SLA2: variants seen among roughly 807,000 people sequenced by gnomAD.
The protein encoded by SLA2 is src-like-adapter 2.
In SLA2, 22 loss-of-function variants were observed where a neutral mutation model predicts 27.3. That is an observed-to-expected ratio of 0.81 (90% CI 0.58 to 1.15). The LOEUF is 1.15. Among genes scored for constraint, SLA2 ranks in the 50% most tolerant of loss-of-function variants. The pLI is 0.00. For missense variants in SLA2, 304 were observed against 322.2 expected (o/e 0.94, Z 0.43); for synonymous variants, 131 against 137.8 (o/e 0.95, Z 0.34).
Position 36,646,026 on chromosome 20 carries a change from T to C in SLA2, c.-233A>G, listed in dbSNP as rs1978287816. On this transcript the variant is annotated 5_prime_UTR_variant, in exon 1 of 8. Transcript: ENST00000262866. ...TGGTTTGGGTAGCTCAGCATCTGTCTGCAGTCAGCAGTTTGTACACCAGGG... is the reference window on the plus strand; with the variant it reads ...TGGTTTGGGTAGCTCAGCATCTGTCCGCAGTCAGCAGTTTGTACACCAGGG... 6.6e-6 allele frequency: 1 copy of C among 152,514 alleles called. No homozygotes were observed. Among genetic ancestry groups the C allele is most frequent in the East Asian group, 1.9e-4 (1 of 5,186 alleles). The allele number at this position is 152,514 out of a possible 1,614,324, so 9.4% of individuals were successfully genotyped here. A position where few individuals can be genotyped will look rare whatever the true frequency, so the allele number is the denominator to read the frequency against.
intron 5 of SLA2, among the ~76,000 whole-genome samples, chr20:36,618,684 T>A (rs750039404): frequency 5.9e-5 from 9 of 151,436 alleles, no homozygotes; most frequent in Admixed American, 1.3e-4. Flanking sequence ...GGCTGTTGGA[T>A]CACCTGAGGT....
At chr20:36,643,532 G>A (rs145133312) in intron 1 of SLA2, among the ~76,000 whole-genome samples, 119 of 152,274 alleles carry the variant, frequency 7.8e-4, no homozygotes, top group African/African-American at 2.5e-3. Flanking sequence ...GAGGACGGGC[G>A]TCCATCAATA....
chr20:36,620,271 C>G (rs2039266962), intron 5 of SLA2: 1 of 151,674 alleles, frequency 6.6e-6, no homozygotes, highest in Admixed American at 6.7e-5. Context: ...CGCCTGTAAT[C>G]CAGCTACTCA....
intron 1 of SLA2, among the ~76,000 whole-genome samples, chr20:36,642,970 C>T (rs1485338838): frequency 6.6e-6 from 1 of 152,172 alleles, no homozygotes; most frequent in Non-Finnish European, 1.5e-5. Flanking sequence ...ACCTCAGCTT[C>T]CCAAAATCCT....
intron 5 of SLA2, among the ~76,000 whole-genome samples, chr20:36,615,835 A>T (rs944500646): frequency 5.9e-5 from 9 of 152,192 alleles, no homozygotes; most frequent in Non-Finnish European, 1.2e-4. Context: ...AGTTCTTCCC[A>T]GGCACAATAC....
Position 36,613,797 on chromosome 20 carries a change from G to A in SLA2, c.*69C>T. The A allele has an allele frequency of 6.6e-7, 1 of 1,512,962 alleles. No homozygotes were observed. The allele number at this position is 1,512,962 out of a possible 1,614,324, so 93.7% of individuals were successfully genotyped here. On this transcript the variant is annotated 3_prime_UTR_variant, in exon 8 of 8. Transcript: ENST00000262866. ...CTGAGTGCACAGCCTTGCCTCTGGG[G>A]TGCCCAGGAGGCTGAATTGGGGTTC... is the stretch of plus-strand genomic sequence containing the variant.
intron 5 of SLA2, among the ~76,000 whole-genome samples, chr20:36,621,991 A>G (rs568608534): frequency 6.6e-6 from 1 of 152,038 alleles, no homozygotes; most frequent in African/African-American, 2.4e-5. Flanking sequence ...ACTCCAGCCT[A>G]GCCAACAGAG....
intron 6 of SLA2, 117 bp from the exon 7 acceptor site, chr20:36,614,554 T>C: frequency 1.3e-6 from 2 of 1,481,500 alleles, no homozygotes; most frequent in Non-Finnish European, 8.9e-7. Flanking sequence ...CAAAGAGTGA[T>C]AGGACATGAG....
At chr20:36,625,051 C>T (rs1228640843) in intron 5 of SLA2, among the ~76,000 whole-genome samples, 1 of 152,148 alleles carries the variant, frequency 6.6e-6, no homozygotes, top group African/African-American at 2.4e-5. Context: ...TGAGCACCCA[C>T]CACATGCTGG....
At chr20:36,619,931 C>CA (rs527271053) in intron 5 of SLA2, among the ~76,000 whole-genome samples, 5 of 148,742 alleles carry the variant, frequency 3.4e-5, no homozygotes, top group Admixed American at 6.7e-5. Context: ...CGTGCCTGGC[C>CA]AAAAAAAAAT....
Position 36,613,764 on chromosome 20 carries a change from C to G in SLA2, c.*102G>C. 1 of 549,010 alleles carries G rather than the reference C, an allele frequency of 1.8e-6. No homozygotes were observed. Among genetic ancestry groups the G allele is most frequent in the Non-Finnish European group, 3.3e-6 (1 of 306,724 alleles). 34.0% of individuals were successfully genotyped at this position (549,010 alleles called of 1,614,324 possible). ...CCTAGATGCACCTCTGTGTCCCACC[C>G]TCCCTCCCTGAGTGCACAGCCTTGC... On this transcript the variant is annotated 3_prime_UTR_variant, in exon 8 of 8. Transcript: ENST00000262866.
At chr20:36,615,082 A>G in intron 6 of SLA2, 143 bp downstream of exon 6, 1 of 1,467,006 alleles carries the variant, frequency 6.8e-7, no homozygotes, top group Non-Finnish European at 9.0e-7. Flanking sequence ...ATTTCTTGGC[A>G]TAGGGACTGG....
At chr20:36,637,094 C>T (rs2039458335) in intron 2 of SLA2, among the ~76,000 whole-genome samples, 1 of 151,616 alleles carries the variant, frequency 6.6e-6, no homozygotes, top group Admixed American at 6.6e-5. Context: ...TGTCTTGGCT[C>T]ATCAGTGTTT....
At chr20:36,638,054 G>A (rs1895024122) in intron 2 of SLA2, among the ~76,000 whole-genome samples, 1 of 151,756 alleles carries the variant, frequency 6.6e-6, no homozygotes, top group Admixed American at 6.6e-5. Flanking sequence ...ACCACGCCCA[G>A]CTAATTTTTT....
intron 5 of SLA2, among the ~76,000 whole-genome samples, chr20:36,625,313 C>G (rs1295581564): frequency 1.3e-5 from 2 of 150,144 alleles, no homozygotes; most frequent in Non-Finnish European, 2.9e-5. Context: ...ACCTCCACCT[C>G]CTGGTTTCAA....
In SLA2 at chr20:36,641,433, T is replaced by C. The variant is rs543696216; in HGVS notation, c.-43-55A>G. 5.9e-6 allele frequency: 6 copies of C among 1,011,972 alleles called. No homozygotes were observed. The East Asian group carries it at 1.5e-4, about 26-fold the overall frequency. 62.7% of individuals were successfully genotyped at this position (1,011,972 alleles called of 1,614,324 possible). On this transcript the variant is annotated intron_variant, in intron 1 of 7. Coordinates refer to ENST00000262866, the MANE Select transcript of SLA2 (RefSeq NM_032214.4). ...CCGAGGCTTCTGGCCCAATCTCAGA[T>C]ACCTCTCCCTCCCCAGATCGGCCCT... is the stretch of plus-strand genomic sequence containing the variant.
At chr20:36,621,981 A>G (rs2039287722) in intron 5 of SLA2, among the ~76,000 whole-genome samples, 1 of 151,748 alleles carries the variant, frequency 6.6e-6, no homozygotes, top group South Asian at 2.1e-4. Context: ...GTGCCACTAC[A>G]CTCCAGCCTA....
intron 3 of SLA2, 24 bp from the exon 4 acceptor site, chr20:36,633,653 C>T: frequency 6.3e-7 from 1 of 1,599,722 alleles, no homozygotes; most frequent in Non-Finnish European, 8.6e-7. Context: ...GGAGTGGGGG[C>T]ACCTCTTTCA....
intron 7 of SLA2, 139 bp from the exon 8 acceptor site, chr20:36,614,125 G>A: frequency 6.8e-7 from 1 of 1,468,338 alleles, no homozygotes; most frequent in South Asian, 1.3e-5. Context: ...TATCAGATCA[G>A]CTTCCCCAGC....
Sources: allele counts gnomAD v4.1 joint callset (sites outside exome capture counted in the v4.1 genomes callset), GRCh38; gene constraint gnomAD v4.1.1; transcripts MANE v1.5; gene names NCBI Gene and HGNC (gene_info 2026-07-23, HGNC 2026-07-21).